SPECC1: variants seen among roughly 807,000 people sequenced by gnomAD.
The protein encoded by SPECC1 is cytospin-B.
SPECC1 carries 62 observed loss-of-function variants against 104.1 expected under a neutral mutation model. The ratio of observed to expected loss-of-function variants is 0.60; its 90% confidence interval spans 0.49 to 0.74. SPECC1 has a LOEUF of 0.74. Ranked by LOEUF, SPECC1 falls within the 30% of genes least tolerant of loss-of-function variation. SPECC1 has a pLI of 0.00. For missense variants in SPECC1, 1,306 were observed against 1,310.5 expected, an observed-to-expected ratio of 1.00 and a Z score of 0.05; for synonymous variants, 513 against 501.6, an observed-to-expected ratio of 1.02 and a Z score of -0.30.
At chr17:20,276,006 A>G (rs1038107688) in intron 12 of SPECC1, among the ~76,000 whole-genome samples, 1 of 151,916 alleles carries the variant, frequency 6.6e-6, no homozygotes, top group African/African-American at 2.4e-5. Flanking sequence ...TTTGATCTAG[A>G]AGCTTACATT....
At chr17:20,258,204 C>G (rs1478223273) in intron 11 of SPECC1, among the ~76,000 whole-genome samples, 1 of 152,148 alleles carries the variant, frequency 6.6e-6, no homozygotes, top group Admixed American at 6.5e-5. Context: ...ATTGGACCTG[C>G]ATTTTAAGGA....
intron 12 of SPECC1, among the ~76,000 whole-genome samples, chr17:20,269,859 G>A (rs1424877706): frequency 6.6e-6 from 1 of 152,134 alleles, no homozygotes; most frequent in African/African-American, 2.4e-5. Context: ...AATAGCCGTG[G>A]CCATGACTCC....
At chr17:20,303,420 T>C (rs1185171316) in intron 13 of SPECC1, among the ~76,000 whole-genome samples, 1 of 152,144 alleles carries the variant, frequency 6.6e-6, no homozygotes, top group African/African-American at 2.4e-5. Flanking sequence ...TCACCACAGA[T>C]CAACAGCTTT....
chr17:20,089,766 G>C (rs1224333124), intron 1 of SPECC1, among the ~76,000 whole-genome samples: 1 of 152,222 alleles, frequency 6.6e-6, no homozygotes, highest in Non-Finnish European at 1.5e-5. Context: ...CTGTGCTGGA[G>C]AAAAAGGCAG....
At chr17:20,106,872 G>A (rs1211024491) in intron 2 of SPECC1, among the ~76,000 whole-genome samples, 2 of 152,094 alleles carry the variant, frequency 1.3e-5, no homozygotes, top group African/African-American at 2.4e-5. Flanking sequence ...AAATGTGGTC[G>A]TGGGCCAGGC....
intron 1 of SPECC1, among the ~76,000 whole-genome samples, chr17:20,011,211 C>T (rs1476215540): frequency 6.6e-6 from 1 of 152,218 alleles, no homozygotes; most frequent in Non-Finnish European, 1.5e-5. Flanking sequence ...TCTGTTCCCT[C>T]AAGTTTGGCA....
intron 12 of SPECC1, among the ~76,000 whole-genome samples, chr17:20,290,780 G>T (rs2141964931): frequency 6.6e-6 from 1 of 152,306 alleles, no homozygotes; most frequent in Non-Finnish European, 1.5e-5. Flanking sequence ...GCCTCCCAAA[G>T]TTCTGGGCCA....
At position 20,132,966 on chromosome 17, in the gene SPECC1, C is replaced by A. The variant is rs574248296; in HGVS notation, c.283+22404C>A. ...GTGTTAGGCAGGATGGTCTCGATCT[C>A]CTGACCTCGTGATCCTGCCGCCTCG... On this transcript the variant is annotated intron_variant, in intron 3 of 14. Coordinates refer to ENST00000395527, the MANE Select transcript of SPECC1 (RefSeq NM_001243439.2). 5.3e-5 allele frequency among the ~76,000 whole-genome samples: 8 copies of A among 152,182 alleles called. No homozygotes were observed. In the South Asian group the frequency reaches 1.7e-3, roughly 32 times the overall value.
intron 3 of SPECC1, among the ~76,000 whole-genome samples, chr17:20,142,648 G>A (rs1295184467): frequency 2.6e-5 from 4 of 152,152 alleles, no homozygotes; most frequent in East Asian, 1.9e-4. Context: ...TGCGGGAGGA[G>A]GGAGTAGAGA....
intron 10 of SPECC1, among the ~76,000 whole-genome samples, chr17:20,256,932 AGAAAGGAGCCTT>A (rs2039854262): frequency 6.6e-6 from 1 of 152,232 alleles, no homozygotes; most frequent in Non-Finnish European, 1.5e-5. Flanking sequence ...ATATGACAGC[AGAAAGGAGCCTT>A]GAAAGAGTGA....
intron 3 of SPECC1, among the ~76,000 whole-genome samples, chr17:20,141,103 G>A (rs1252108838): frequency 1.3e-5 from 2 of 152,262 alleles, no homozygotes; most frequent in East Asian, 3.9e-4. Flanking sequence ...AGACCTTGAT[G>A]GATATGCTGT....
chr17:20,181,611 A>G (rs1353617589), intron 3 of SPECC1, among the ~76,000 whole-genome samples: 1 of 152,184 alleles, frequency 6.6e-6, no homozygotes, highest in Non-Finnish European at 1.5e-5. Context: ...GCAATAAGGC[A>G]AAAACATTTT....
chr17:20,236,812 C>T (rs745539856), intron 7 of SPECC1: 7 of 1,612,534 alleles, frequency 4.3e-6, no homozygotes, highest in Non-Finnish European at 5.9e-6. Flanking sequence ...ACTGTATTGC[C>T]TTAGGTAACT....
intron 3 of SPECC1, among the ~76,000 whole-genome samples, chr17:20,145,346 G>A (rs1441307463): frequency 6.6e-6 from 1 of 152,234 alleles, no homozygotes; most frequent in Non-Finnish European, 1.5e-5. Flanking sequence ...CTGAGGAAGT[G>A]TGCCAAGTGC....
At chr17:20,180,195 T>C (rs1260701756) in intron 3 of SPECC1, among the ~76,000 whole-genome samples, 1 of 151,854 alleles carries the variant, frequency 6.6e-6, no homozygotes, top group Non-Finnish European at 1.5e-5. Flanking sequence ...AGAAGTAATA[T>C]CAAATTAGCA....
At chr17:20,312,631 C>T (rs1415997613) in intron 14 of SPECC1, among the ~76,000 whole-genome samples, 1 of 152,306 alleles carries the variant, frequency 6.6e-6, no homozygotes, top group East Asian at 1.9e-4. Flanking sequence ...CTCCTTGGTA[C>T]GGATTTTAGG....
intron 4 of SPECC1, 113 bp downstream of exon 4, chr17:20,206,025 G>A (rs1009489733): frequency 1.1e-5 from 15 of 1,414,912 alleles, no homozygotes; most frequent in African/African-American, 2.9e-5. Context: ...TTTCATTCAC[G>A]AAGCCAGCAT....
At chr17:20,219,255 T>G (rs1363808132) in intron 4 of SPECC1, among the ~76,000 whole-genome samples, 6 of 152,194 alleles carry the variant, frequency 3.9e-5, no homozygotes, top group Admixed American at 3.9e-4. Context: ...CTGTACTAAT[T>G]TACTTTCCCG....
Position 20,227,406 on chromosome 17 carries a change from A to G in SPECC1, c.1864-7A>G, listed in dbSNP as rs1299920966. 3 of 1,609,246 alleles carry G rather than the reference A, an allele frequency of 1.9e-6. No homozygotes were observed. The highest frequency in any genetic ancestry group is 1.7e-6 in the Non-Finnish European group (2 of 1,177,768). On this transcript the variant is annotated splice_polypyrimidine_tract_variant and splice_region_variant and intron_variant, in intron 4 of 14. Coordinates refer to ENST00000395527, the MANE Select transcript of SPECC1 (RefSeq NM_001243439.2). ...TAACTGACCAAGGAACCTTCCTTTT[A>G]TTTTAGGTGGAAAAGGATTATTCAT...
Sources: gnomAD v4.1 joint callset for allele counts (sites outside exome capture counted in the v4.1 genomes callset) on GRCh38, gnomAD v4.1.1 for gene constraint, MANE v1.5 for transcripts, NCBI Gene and HGNC (gene_info 2026-07-23, HGNC 2026-07-21) for gene names.